FAM53A: variants seen among roughly 807,000 people sequenced by gnomAD.
FAM53A encodes the protein protein FAM53A.
A neutral mutation model predicts 26.6 loss-of-function variants in FAM53A; 28 were observed. The observed-to-expected ratio is 1.05, with a 90% confidence interval of 0.78 to 1.45. FAM53A has a LOEUF of 1.45. Among genes scored for constraint, FAM53A ranks in the 40% most tolerant of loss-of-function variants. FAM53A has a pLI of 0.00. For missense variants in FAM53A, 650 were observed against 575.8 expected (o/e 1.13, Z -1.32); for synonymous variants, 290 against 253.1 (o/e 1.15, Z -1.38).
At chr4:1,609,927 C>T in the FAM53A span, among the ~76,000 whole-genome samples, 1 of 152,112 alleles carries the variant, frequency 6.6e-6, no homozygotes. Flanking sequence ...CGCGCCACTG[C>T]ACTCCAGACT....
In FAM53A at chr4:1,648,771, T is replaced by C. The variant is rs141115934; in HGVS notation, c.882+6207A>G. On this transcript the variant is annotated intron_variant, in intron 4 of 4. Transcript: ENST00000308132. ...GTTGAGTCCCAGGAGCAGAATGGGG[T>C]GTGCAGCACCCACATCACTGTTCTG... Among the ~76,000 whole-genome samples, 138 of 152,210 alleles carry C rather than the reference T, an allele frequency of 9.1e-4. No homozygotes were observed. The East Asian group carries it at 0.025, about 27-fold the overall frequency.
intron 1 of FAM53A, among the ~76,000 whole-genome samples, chr4:1,675,127 C>A (rs144692030): frequency 2.5e-4 from 38 of 152,232 alleles, no homozygotes; most frequent in African/African-American, 8.4e-4. Context: ...AAGAGGGTCC[C>A]GGAAAAGGAG....
the FAM53A span, among the ~76,000 whole-genome samples, chr4:1,602,788 G>A: frequency 4.3e-4 from 66 of 152,166 alleles, no homozygotes; most frequent in Admixed American, 3.1e-3. Context: ...CCCACCCACC[G>A]TGGGAAGGAG....
chr4:1,615,316 C>T (rs1324148703), downstream of FAM53A, among the ~76,000 whole-genome samples: 3 of 144,232 alleles, frequency 2.1e-5, no homozygotes, highest in African/African-American at 7.8e-5. Context: ...CCACACCCAC[C>T]CCACCTGGGC....
In FAM53A at chr4:1,659,063, G is replaced by A. The variant is rs1057481056; in HGVS notation, c.76-1595C>T. Among the ~76,000 whole-genome samples, 2 of 152,226 alleles carry A rather than the reference G, an allele frequency of 1.3e-5. No homozygotes were observed. Among genetic ancestry groups the A allele is most frequent in the Non-Finnish European group, 2.9e-5 (2 of 68,036 alleles). ...AATCCTTCACTGCTTCCTGTAAAGG[G>A]AATAAGTTAAAAGTTGGGTTTGTGA... On this transcript the variant is annotated intron_variant, in intron 2 of 4. Coordinates refer to ENST00000308132, the MANE Select transcript of FAM53A (RefSeq NM_001174070.3). The surrounding 1 kb of genome is among the most constrained non-coding windows in gnomAD (Gnocchi z 5.2).
At chr4:1,656,242 G>C (rs773962676) in intron 3 of FAM53A, among the ~76,000 whole-genome samples, 1 of 152,170 alleles carries the variant, frequency 6.6e-6, no homozygotes, top group Non-Finnish European at 1.5e-5. Context: ...AGAGCCACCA[G>C]GTCCAGGCCT....
chr4:1,582,391 C>T, the FAM53A span, among the ~76,000 whole-genome samples: 3 of 152,166 alleles, frequency 2.0e-5, no homozygotes, highest in East Asian at 1.9e-4. Flanking sequence ...ACCACCACCC[C>T]GCGGGGAAAG....
chr4:1,623,196 G>A (rs754592645), intron 1 of FAM53A, among the ~76,000 whole-genome samples: 11 of 152,186 alleles, frequency 7.2e-5, no homozygotes, highest in South Asian at 4.1e-4. Flanking sequence ...GCTCCAGGAC[G>A]GGGACATCAG....
chr4:1,671,112 G>A (rs1160324925), intron 1 of FAM53A, among the ~76,000 whole-genome samples: 1 of 143,996 alleles, frequency 6.9e-6, no homozygotes, highest in Non-Finnish European at 1.5e-5. Flanking sequence ...CCCAGCGTCA[G>A]AGCCACCAGC....
chr4:1,591,918 C>G, the FAM53A span, among the ~76,000 whole-genome samples: 2 of 152,330 alleles, frequency 1.3e-5, no homozygotes, highest in African/African-American at 4.8e-5. Context: ...TTTTGGGGGC[C>G]TCCTTCTTGG....
At chr4:1,590,989 T>TATATATATATATATATACACACACAC in the FAM53A span, among the ~76,000 whole-genome samples, 1 of 126,848 alleles carries the variant, frequency 7.9e-6, no homozygotes, top group African/African-American at 3.5e-5. Context: ...TATATATATA[T>TATATATATATATATATACACACACAC]ATATATATAT....
At chr4:1,609,264 C>T in the FAM53A span, among the ~76,000 whole-genome samples, 2 of 152,116 alleles carry the variant, frequency 1.3e-5, no homozygotes, top group African/African-American at 4.8e-5. Context: ...GCCCCACACC[C>T]CCATCCCTCA....
intron 1 of FAM53A, among the ~76,000 whole-genome samples, chr4:1,680,235 T>C (rs811634): frequency 0.97 from 146,094 of 150,166 alleles, 71,188 homozygotes; most frequent in East Asian, 1. Context: ...AGGAGAATCA[T>C]TTGAAACCAG....
At chr4:1,674,013 G>A (rs73798425) in intron 1 of FAM53A, among the ~76,000 whole-genome samples, 13,264 of 152,312 alleles carry the variant, frequency 0.087, 1,681 homozygotes, top group African/African-American at 0.28. Flanking sequence ...CACGTGTGTT[G>A]GCTTCCAAGA....
chr4:1,667,033 C>A (rs529325837), intron 2 of FAM53A, among the ~76,000 whole-genome samples: 1 of 151,616 alleles, frequency 6.6e-6, no homozygotes, highest in Non-Finnish European at 1.5e-5. Flanking sequence ...GAGGCTGAGG[C>A]GGGAGAATTG....
chr4:1,607,429 A>G, the FAM53A span, among the ~76,000 whole-genome samples: 1 of 152,040 alleles, frequency 6.6e-6, no homozygotes, highest in Non-Finnish European at 1.5e-5. Flanking sequence ...TGAGACCTGT[A>G]GCATGGGACC....
chr4:1,660,646 T>C (rs923611881), intron 2 of FAM53A, among the ~76,000 whole-genome samples: 3 of 152,100 alleles, frequency 2.0e-5, no homozygotes, highest in Non-Finnish European at 4.4e-5. Context: ...CCCAGCTCTT[T>C]GGGAGGCCGA....
downstream of FAM53A, among the ~76,000 whole-genome samples, chr4:1,617,654 T>C (rs1361767183): frequency 1.3e-5 from 2 of 152,238 alleles, no homozygotes; most frequent in Non-Finnish European, 2.9e-5. Flanking sequence ...TCTTTCACTG[T>C]TTCCATTTCT....
chr4:1,593,203 G>A, the FAM53A span, among the ~76,000 whole-genome samples: 15 of 152,178 alleles, frequency 9.9e-5, no homozygotes, highest in Non-Finnish European at 2.1e-4. Flanking sequence ...CGGCCTCGCG[G>A]GTCCAGGGCT....
Sources: allele counts gnomAD v4.1 joint callset (sites outside exome capture counted in the v4.1 genomes callset), GRCh38; gene constraint gnomAD v4.1.1; non-coding constraint Gnocchi (gnomAD v3.1); transcripts MANE v1.5; gene names NCBI Gene and HGNC (gene_info 2026-07-23, HGNC 2026-07-21).